Variants in FKBP5 observed in about 807,000 individuals in gnomAD.
The protein encoded by FKBP5 is FKBP prolyl isomerase 5, also known as peptidyl-prolyl cis-trans isomerase FKBP5.
FKBP5 carries 23 observed loss-of-function variants against 50.5 expected under a neutral mutation model. That is an observed-to-expected ratio of 0.46 (90% CI 0.33 to 0.65). The LOEUF is 0.65. FKBP5 is among the 30% of genes least tolerant of loss of function. FKBP5 has a pLI of 0.02. For missense variants in FKBP5, 411 were observed against 553.1 expected, an observed-to-expected ratio of 0.74 and a Z score of 2.58; for synonymous variants, 176 against 190.6, an observed-to-expected ratio of 0.92 and a Z score of 0.63.
At chr6:35,684,762 C>T (rs1276329526) in intron 1 of FKBP5, among the ~76,000 whole-genome samples, 2 of 152,156 alleles carry the variant, frequency 1.3e-5, no homozygotes, top group African/African-American at 4.8e-5. Context: ...CACTGTGGCT[C>T]GCACTTATAA....
intron 1 of FKBP5, among the ~76,000 whole-genome samples, chr6:35,675,182 C>T (rs900327124): frequency 2.6e-5 from 4 of 152,340 alleles, no homozygotes; most frequent in South Asian, 4.1e-4. Context: ...CTGAGACTTA[C>T]AGAAAATAAG....
intron 3 of FKBP5, among the ~76,000 whole-genome samples, chr6:35,629,090 G>T (rs1156772649): frequency 1.3e-5 from 2 of 151,448 alleles, no homozygotes; most frequent in African/African-American, 4.9e-5. Context: ...AACTAATCAT[G>T]AATTAAACAA....
intron 7 of FKBP5, among the ~76,000 whole-genome samples, chr6:35,589,130 T>TTTTTTATATATATATATATATATA (rs1762733618): frequency 8.9e-6 from 1 of 112,964 alleles, no homozygotes; most frequent in African/African-American, 3.6e-5. Flanking sequence ...ATATATATAT[T>TTTTTTATATATATATATATATATA]TTTTTTTTTT....
intron 2 of FKBP5, among the ~76,000 whole-genome samples, chr6:35,699,588 C>T (rs1377313483): frequency 1.3e-5 from 2 of 152,206 alleles, no homozygotes; most frequent in Non-Finnish European, 2.9e-5. Context: ...TTGAGCTTGA[C>T]GTCCATACTT....
chr6:35,715,586 C>T (rs1011291315), intron 2 of FKBP5, among the ~76,000 whole-genome samples: 6 of 152,158 alleles, frequency 3.9e-5, no homozygotes, highest in Non-Finnish European at 7.3e-5. Context: ...GCAGCAGGAA[C>T]GGCATGTACA....
At chr6:35,618,555 T>C (rs183376159) in intron 5 of FKBP5, among the ~76,000 whole-genome samples, 11 of 152,184 alleles carry the variant, frequency 7.2e-5, no homozygotes, top group African/African-American at 2.6e-4. Flanking sequence ...TGATGCTTTT[T>C]AGTAGAGATG....
chr6:35,593,008 T>C (rs1762868339), intron 6 of FKBP5, among the ~76,000 whole-genome samples: 2 of 152,186 alleles, frequency 1.3e-5, no homozygotes, highest in Non-Finnish European at 2.9e-5. Context: ...AAGAAAAATA[T>C]TATTTCTACA....
intron 7 of FKBP5, among the ~76,000 whole-genome samples, chr6:35,588,568 GTTGTC>G (rs1762687996): frequency 1.3e-5 from 2 of 151,482 alleles, no homozygotes; most frequent in African/African-American, 4.9e-5. Context: ...ATCTTGCTCT[GTTGTC>G]TTTTCTTTTT....
intron 7 of FKBP5, among the ~76,000 whole-genome samples, chr6:35,588,257 C>T (rs989890768): frequency 3.3e-5 from 5 of 151,994 alleles, no homozygotes; most frequent in African/African-American, 9.7e-5. Flanking sequence ...AAACTCCCAA[C>T]CTCAGGTGAT....
chr6:35,580,284 TCCTCAAAGTGAAGCAACC>T, intron 8 of FKBP5, 63 bp from the exon 9 acceptor site: 1 of 1,373,466 alleles, frequency 7.3e-7, no homozygotes, highest in South Asian at 1.3e-5. Context: ...GAAAAGCAAA[TCCTCAAAGTGAAGCAACC>T]CCTCCAGCAA....
chr6:35,654,653 T>C (rs1288145353), intron 1 of FKBP5, among the ~76,000 whole-genome samples: 1 of 152,234 alleles, frequency 6.6e-6, no homozygotes, highest in Non-Finnish European at 1.5e-5. Flanking sequence ...AGATGGAGTC[T>C]TGATCTTGTC....
At chr6:35,598,122 CA>C (rs1458568750) in intron 5 of FKBP5, among the ~76,000 whole-genome samples, 2 of 152,094 alleles carry the variant, frequency 1.3e-5, no homozygotes, top group African/African-American at 4.8e-5. Context: ...CCCAATTTAC[CA>C]AGCTCTTTCC....
chr6:35,691,890 C>T (rs565182985), upstream of FKBP5, among the ~76,000 whole-genome samples: 18 of 152,230 alleles, frequency 1.2e-4, no homozygotes, highest in East Asian at 3.5e-3. Context: ...GTACACAGGG[C>T]CGTGTACTTA....
chr6:35,613,593 C>T (rs1263267606), intron 5 of FKBP5, among the ~76,000 whole-genome samples: 1 of 152,188 alleles, frequency 6.6e-6, no homozygotes, highest in African/African-American at 2.4e-5. Context: ...CCAGTAAAGA[C>T]TGAGAAGATT....
Position 35,683,115 on chromosome 6 carries a change from CGTATATGTGTGTGTGTGTGT to C in FKBP5, c.-20+5669_-20+5688del, listed in dbSNP as rs1407199004. Among the ~76,000 whole-genome samples the C allele has an allele frequency of 4.4e-4, 25 of 56,236 alleles. No homozygotes were observed. In the East Asian group the frequency reaches 5.4e-3, roughly 12 times the overall value. The allele number at this position is 56,236 out of a possible 152,430, so 36.9% of individuals were successfully genotyped here. A position where few individuals can be genotyped will look rare whatever the true frequency, so the allele number is the denominator to read the frequency against. On this transcript the variant is annotated intron_variant, in intron 1 of 10. Coordinates refer to ENST00000357266, the MANE Select transcript of FKBP5 (RefSeq NM_004117.4). ...AAAAAAGTGTGTGTGTATATATATA[CGTATATGTGTGTGTGTGTGT>C]GTGTGTGTGTGTGTGTGTGTGTGTG...
At chr6:35,690,062 T>A (rs373291163), upstream of FKBP5, among the ~76,000 whole-genome samples, 17 of 152,328 alleles carry the variant, frequency 1.1e-4, no homozygotes, top group South Asian at 1.7e-3. Context: ...TAATATCCCA[T>A]AGCCAGATTA....
intron 7 of FKBP5, 38 bp downstream of exon 7, chr6:35,591,092 A>AAC: frequency 7.4e-7 from 1 of 1,357,164 alleles, no homozygotes; most frequent in South Asian, 1.2e-5. Flanking sequence ...ATGGAGAAGA[A>AAC]ACCTACCATA....
intron 1 of FKBP5, among the ~76,000 whole-genome samples, chr6:35,658,065 C>T (rs1765002216): frequency 7.6e-6 from 1 of 132,066 alleles, no homozygotes; most frequent in South Asian, 2.4e-4. Flanking sequence ...CCTGTTTCTA[C>T]TAAAAAAAAA....
chr6:35,637,527 G>A (rs1357848003), intron 2 of FKBP5, among the ~76,000 whole-genome samples: 1 of 133,888 alleles, frequency 7.5e-6, no homozygotes, highest in African/African-American at 2.8e-5. Flanking sequence ...GCAATGGCAC[G>A]ATCTCGGCTC....
Sources: gnomAD v4.1 joint callset for allele counts (sites outside exome capture counted in the v4.1 genomes callset) on GRCh38, gnomAD v4.1.1 for gene constraint, MANE v1.5 for transcripts, NCBI Gene and HGNC (gene_info 2026-07-23, HGNC 2026-07-21) for gene names.